ARFGEF3: variants seen among roughly 807,000 people sequenced by gnomAD.
ARFGEF3 encodes brefeldin A-inhibited guanine nucleotide-exchange protein 3.
In ARFGEF3, 96 loss-of-function variants were observed where a neutral mutation model predicts 221.7. The observed-to-expected ratio is 0.43, with a 90% CI of 0.37 to 0.51. The LOEUF is 0.51. Among genes scored for constraint, ARFGEF3 ranks in the 20% least tolerant of loss-of-function variants. The pLI is 0.00. For synonymous variants in ARFGEF3, 1,145 were observed against 1,126.8 expected (o/e 1.02, Z -0.32); for missense variants, 2,410 against 2,789.9 (o/e 0.86, Z 3.07).
rs746168391 is a variant in ARFGEF3, at chr6:138,308,809, T to A, written c.4044T>A (p.Ala1348=). 6.2e-7 allele frequency: 1 copy of A among 1,614,038 alleles called. No individual in the cohort carries two copies. The highest frequency in any genetic ancestry group is 8.5e-7 in the Non-Finnish European group (1 of 1,179,886). The change falls in exon 24 of 34, where the codon GCT becomes GCA. Residue 1348 remains alanine, a synonymous_variant. Coordinates refer to ENST00000251691, the MANE Select transcript of ARFGEF3 (RefSeq NM_020340.5). ...FLNTDNIQVF[A]NAATSYIMCL... is the part of the protein sequence containing the mutation. The stretch of plus-strand genomic sequence containing the variant: ...ATACTGACAACATCCAGGTCTTTGC[T>A]AATGCAGCCACTAGCTACATCATGT...
intron 1 of ARFGEF3, among the ~76,000 whole-genome samples, chr6:138,167,719 C>T (rs1776748881): frequency 6.6e-6 from 1 of 152,196 alleles, no homozygotes; most frequent in African/African-American, 2.4e-5. Context: ...CTCTTTTTAT[C>T]TGAACTTCTG....
intron 8 of ARFGEF3, among the ~76,000 whole-genome samples, chr6:138,250,033 CTT>C (rs1778553069): frequency 6.6e-6 from 1 of 152,208 alleles, no homozygotes; most frequent in African/African-American, 2.4e-5. Flanking sequence ...ATTTTACTAA[CTT>C]AATTCCTTTA....
intron 3 of ARFGEF3, 92 bp from the exon 4 acceptor site, chr6:138,209,818 A>G (rs1253110651): frequency 6.7e-7 from 1 of 1,500,520 alleles, no homozygotes; most frequent in Non-Finnish European, 9.0e-7. Flanking sequence ...CTCCCCAGTA[A>G]GAAAACTGAT....
chr6:138,162,308 T>G lies in ARFGEF3; in HGVS notation c.85+137T>G. 1.8e-6 allele frequency: 1 copy of G among 563,242 alleles called. No homozygotes were observed. The highest frequency in any genetic ancestry group is 3.1e-6 in the Non-Finnish European group (1 of 327,706). 34.9% of individuals were successfully genotyped at this position (563,242 alleles called of 1,614,324 possible). ...CGATTGCGAGAGTCGCCTCGGGAAA[T>G]TGATGTGGGATTTGAGAGTCTTGGC... is the stretch of plus-strand genomic sequence containing the variant. On this transcript the variant is annotated intron_variant, in intron 1 of 33. Transcript: ENST00000251691. The surrounding 1 kb of genome is among the most constrained non-coding windows in gnomAD (Gnocchi z 4.7).
In ARFGEF3 at chr6:138,291,787, G is replaced by C; in HGVS notation, c.3102G>C (p.Ser1034=). The change falls in exon 19 of 34, where the codon TCG becomes TCC. Residue 1034 remains serine (S), a synonymous_variant. Coordinates refer to ENST00000251691, the MANE Select transcript of ARFGEF3 (RefSeq NM_020340.5). This position sits in a 1 kb window ranked among gnomAD's most constrained non-coding sequence, Gnocchi z 4.5. The part of the protein sequence containing the change: ...LEHNHFSDGA[S]QPPLTISQPQ... ...ACAACCACTTCAGCGATGGTGCCTC[G>C]CAGCCCCCTCTGACCATCAGCCAGC... The C allele has an allele frequency of 1.4e-6, 2 of 1,463,574 alleles. 1 individual carries two copies. The highest frequency in any genetic ancestry group is 3.0e-5 in the South Asian group (2 of 67,402). 90.7% of individuals were successfully genotyped at this position (1,463,574 alleles called of 1,614,324 possible).
At chr6:138,267,941 A>T (rs1330432176) in intron 12 of ARFGEF3, among the ~76,000 whole-genome samples, 10 of 152,234 alleles carry the variant, frequency 6.6e-5, no homozygotes, top group Non-Finnish European at 1.2e-4. Context: ...ATTTAATTCT[A>T]GTGACATCAC....
Position 138,278,984 on chromosome 6 carries a change from T to C in ARFGEF3, c.2295+367T>C, listed in dbSNP as rs140537940. On this transcript the variant is annotated intron_variant, in intron 13 of 33. Coordinates refer to ENST00000251691, the MANE Select transcript of ARFGEF3 (RefSeq NM_020340.5). ...TGACGTGTTAAGGGAGATCAGAAGA[T>C]GTGCAAGAAATTTGCTGAAAATGAG... Among the ~76,000 whole-genome samples, 1,006 of 152,222 alleles carry C rather than the reference T, an allele frequency of 6.6e-3. 7 individuals are homozygous for C. The highest frequency in any genetic ancestry group is 0.03 in the South Asian group (145 of 4,824).
intron 2 of ARFGEF3, among the ~76,000 whole-genome samples, chr6:138,180,295 C>T (rs1032089162): frequency 6.6e-6 from 1 of 152,208 alleles, no homozygotes; most frequent in African/African-American, 2.4e-5. Flanking sequence ...CCCCTTGCTA[C>T]CTCCCACTGC....
chr6:138,324,167 G>T lies in ARFGEF3; in HGVS notation c.5001+13G>T, dbSNP rs1780088701. The T allele has an allele frequency of 6.2e-7, 1 of 1,607,872 alleles. No individual in the cohort carries two copies. The highest frequency in any genetic ancestry group is 8.5e-7 in the Non-Finnish European group (1 of 1,176,180). ...CATGGCCCAGCAGGTAAGGGCAGGG[G>T]CTTTTGATCTCAGGAGCTCTAGAAA... On this transcript the variant is annotated intron_variant, in intron 31 of 33. Transcript: ENST00000251691.
chr6:138,267,883 G>A (rs1778926382), intron 12 of ARFGEF3, among the ~76,000 whole-genome samples: 1 of 152,174 alleles, frequency 6.6e-6, no homozygotes, highest in Admixed American at 6.5e-5. Flanking sequence ...CAAATGTTTG[G>A]TTGTTTTCAA....
intron 1 of ARFGEF3, among the ~76,000 whole-genome samples, chr6:138,165,554 G>A (rs929507582): frequency 6.6e-6 from 1 of 151,822 alleles, no homozygotes; most frequent in Non-Finnish European, 1.5e-5. Flanking sequence ...ATGAGAGAGA[G>A]GGGTCATCCC....
At chr6:138,322,118 T>C (rs1347288737) in intron 29 of ARFGEF3, among the ~76,000 whole-genome samples, 1 of 152,138 alleles carries the variant, frequency 6.6e-6, no homozygotes. Context: ...CCCTCCCTAA[T>C]GTGGGTGGGC....
intron 7 of ARFGEF3, among the ~76,000 whole-genome samples, chr6:138,243,724 A>C (rs1399370476): frequency 6.6e-6 from 1 of 151,914 alleles, no homozygotes; most frequent in African/African-American, 2.4e-5. Context: ...GGAGGGAAAA[A>C]AAAAGGGAGA....
At chr6:138,228,551 A>G (rs2114530922) in intron 4 of ARFGEF3, among the ~76,000 whole-genome samples, 1 of 152,216 alleles carries the variant, frequency 6.6e-6, no homozygotes, top group East Asian at 1.9e-4. Context: ...CAAAAGACTG[A>G]GGAGCACACC....
At chr6:138,319,648 G>A in intron 27 of ARFGEF3, 55 bp from the exon 28 acceptor site, 1 of 1,306,926 alleles carries the variant, frequency 7.7e-7, no homozygotes, top group Non-Finnish European at 1.1e-6. Context: ...CCAGGTGGAG[G>A]CAAAGAGCTT....
At chr6:138,321,058 C>A in intron 28 of ARFGEF3, 53 bp from the exon 29 acceptor site, 1 of 1,013,770 alleles carries the variant, frequency 9.9e-7, no homozygotes, top group Non-Finnish European at 1.5e-6. Context: ...CCATTTCAAT[C>A]TACCCCTTTA....
chr6:138,251,788 TTCTTTCTA>T (rs1005650498), intron 8 of ARFGEF3, among the ~76,000 whole-genome samples: 3 of 152,124 alleles, frequency 2.0e-5, no homozygotes, highest in Admixed American at 6.5e-5. Context: ...CCTGTGGACA[TTCTTTCTA>T]AGAAGTTGCT....
chr6:138,204,882 C>T (rs1777600375), intron 2 of ARFGEF3, among the ~76,000 whole-genome samples: 1 of 152,222 alleles, frequency 6.6e-6, no homozygotes, highest in Non-Finnish European at 1.5e-5. Context: ...GTTGAACCAC[C>T]TTCATCTACC....
At chr6:138,239,753 T>G (rs1778359501) in intron 6 of ARFGEF3, among the ~76,000 whole-genome samples, 1 of 152,112 alleles carries the variant, frequency 6.6e-6, no homozygotes, top group South Asian at 2.1e-4. Flanking sequence ...CCTCAACTAT[T>G]TGTAATTATT....
Sources: gnomAD v4.1 joint callset for allele counts (sites outside exome capture counted in the v4.1 genomes callset) on GRCh38, gnomAD v4.1.1 for gene constraint, Gnocchi (gnomAD v3.1) non-coding constraint, MANE v1.5 for transcripts, NCBI Gene and HGNC (gene_info 2026-07-23, HGNC 2026-07-21) for gene names.